DIAPH2: variants seen among roughly 807,000 people sequenced by gnomAD.
DIAPH2 encodes the protein protein diaphanous homolog 2.
In DIAPH2, 35 loss-of-function variants were observed where a neutral mutation model predicts 92.7. The ratio of observed to expected loss-of-function variants is 0.38; its 90% CI spans 0.29 to 0.50. The LOEUF (loss-of-function observed/expected upper bound fraction) is 0.50. Among genes scored for constraint, DIAPH2 ranks in the 20% least tolerant of loss-of-function variants. The pLI is 0.94. For missense variants in DIAPH2, 701 were observed against 819.5 expected, an observed-to-expected ratio of 0.86 and a Z score of 1.77; for synonymous variants, 301 against 280.4, an observed-to-expected ratio of 1.07 and a Z score of -0.73.
intron 23 of DIAPH2, among the ~76,000 whole-genome samples, chrX:97,321,544 A>ATTTTTTTTTTT (rs72265655): frequency 4.1e-5 from 2 of 48,413 alleles, no homozygotes; most frequent in Non-Finnish European, 7.3e-5. Context: ...TTGTGTTGTT[A>ATTTTTTTTTTT]TTTTTTTTTT....
chrX:97,320,090 ACT>A (rs1162040763), intron 23 of DIAPH2, among the ~76,000 whole-genome samples: 3 of 102,947 alleles, frequency 2.9e-5, no homozygotes, highest in Non-Finnish European at 5.9e-5. Context: ...ACAGAGTGAG[ACT>A]CTGTCTCAAA....
Position 97,146,007 on chromosome X carries a change from C to CTTTTTTTTTTTTTTTT in DIAPH2, c.2719+4224_2719+4239dup, listed in dbSNP as rs372292277. Among the ~76,000 whole-genome samples, 2 of 43,169 alleles carry CTTTTTTTTTTTTTTTT rather than the reference C, an allele frequency of 4.6e-5. 1 individual carries two copies. The highest frequency in any genetic ancestry group is 1.6e-4 in the African/African-American group (2 of 12,444). 37.5% of individuals were successfully genotyped at this position (43,169 alleles called of 115,157 possible). On this transcript the variant is annotated intron_variant, in intron 22 of 26. Transcript: ENST00000324765. ...AGAATCTATTTCCTTTTTCTTCTTC[C>CTTTTTTTTTTTTTTTT]TTTTTTTTTTTTTTTTTTTTTTTTT...
chrX:97,046,118 A>G (rs2066482316), intron 17 of DIAPH2, among the ~76,000 whole-genome samples: 1 of 107,026 alleles, frequency 9.3e-6, no homozygotes, highest in African/African-American at 3.4e-5. Flanking sequence ...CGGCCTCCCA[A>G]AGTATTGGGA....
intron 23 of DIAPH2, among the ~76,000 whole-genome samples, chrX:97,301,451 A>T (rs781176307): frequency 9.0e-6 from 1 of 111,702 alleles, no homozygotes; most frequent in African/African-American, 3.3e-5. Context: ...GGCTTGTAGC[A>T]AGGTGCTGAG....
chrX:97,042,310 A>AT (rs1222145407), intron 17 of DIAPH2, among the ~76,000 whole-genome samples: 81 of 111,902 alleles, frequency 7.2e-4, no homozygotes, highest in African/African-American at 2.5e-3. Flanking sequence ...AAATTTTCAT[A>AT]TTAAATGTAG....
At chrX:97,497,120 A>T (rs1260476387) in intron 26 of DIAPH2, among the ~76,000 whole-genome samples, 3 of 110,672 alleles carry the variant, frequency 2.7e-5, no homozygotes, top group Non-Finnish European at 5.7e-5. Context: ...AGGAAGTCTG[A>T]GTTTGATTAG....
chrX:97,261,964 G>C (rs1427390110), intron 23 of DIAPH2, among the ~76,000 whole-genome samples: 1 of 109,128 alleles, frequency 9.2e-6, no homozygotes, highest in Non-Finnish European at 1.9e-5. Flanking sequence ...TTATAATATT[G>C]TGACATCATT....
intron 26 of DIAPH2, among the ~76,000 whole-genome samples, chrX:97,570,131 T>TATATTAGATAGATAGA (rs1556243118): frequency 4.1e-5 from 2 of 48,698 alleles, no homozygotes; most frequent in African/African-American, 1.3e-4. Flanking sequence ...TATTAGAAGA[T>TATATTAGATAGATAGA]AGATAGATAG....
chrX:96,934,579 G>A (rs1035194226), intron 10 of DIAPH2, among the ~76,000 whole-genome samples: 3 of 111,214 alleles, frequency 2.7e-5, no homozygotes, highest in Non-Finnish European at 3.8e-5. Flanking sequence ...TCAAGACAAC[G>A]AATTTTTAAA....
chrX:97,032,623 G>A (rs1314775460), intron 17 of DIAPH2, among the ~76,000 whole-genome samples: 1 of 109,408 alleles, frequency 9.1e-6, no homozygotes, highest in African/African-American at 3.3e-5. Context: ...CCTCATTCTT[G>A]TCTCTTTTTA....
intron 26 of DIAPH2, among the ~76,000 whole-genome samples, chrX:97,549,798 T>G (rs754953943): frequency 2.7e-5 from 3 of 111,649 alleles, no homozygotes; most frequent in Non-Finnish European, 5.6e-5. Flanking sequence ...CTGAATCTAA[T>G]CATGAGGAAA....
chrX:97,504,135 A>G (rs1022958611), intron 26 of DIAPH2, among the ~76,000 whole-genome samples: 2 of 112,151 alleles, frequency 1.8e-5, no homozygotes, highest in Admixed American at 9.5e-5. Flanking sequence ...AATATTCAAA[A>G]TCTTGGAAAT....
rs760802911 is a variant in DIAPH2 at position 97,099,688 on chromosome X, T to G, written c.2248-6T>G. The stretch of plus-strand genomic sequence containing the variant: ...ACTAAACTTTTATACTTTTATTTCT[T>G]TTTAGAACCTTGTGAAACATCTTCC... On this transcript the variant is annotated splice_polypyrimidine_tract_variant and splice_region_variant and intron_variant, in intron 19 of 26. Transcript: ENST00000324765. 2.6e-6 allele frequency: 3 copies of G among 1,143,461 alleles called. No individual in the cohort carries two copies. Among genetic ancestry groups the G allele is most frequent in the Non-Finnish European group, 3.5e-6 (3 of 858,596 alleles). The allele number at this position is 1,143,461 out of a possible 1,213,427, so 94.2% of individuals were successfully genotyped here.
intron 22 of DIAPH2, among the ~76,000 whole-genome samples, chrX:97,236,144 C>T (rs975081632): frequency 3.6e-5 from 4 of 111,704 alleles, no homozygotes; most frequent in Non-Finnish European, 7.5e-5. Flanking sequence ...TCTCAACAAC[C>T]TGCATTCAGT....
chrX:97,585,253 CTTTT>C (rs5903087), intron 26 of DIAPH2, among the ~76,000 whole-genome samples: 1 of 92,198 alleles, frequency 1.1e-5, no homozygotes, highest in Non-Finnish European at 2.1e-5. Flanking sequence ...GCTCCACTGA[CTTTT>C]TTTTTTTTTT....
Position 97,258,364 on chromosome X carries a change from A to C in DIAPH2, c.2844+10525A>C, listed in dbSNP as rs1378583476. On this transcript the variant is annotated intron_variant, in intron 23 of 26. Coordinates refer to ENST00000324765, the MANE Select transcript of DIAPH2 (RefSeq NM_006729.5). ...CAAGGTGGGTGGATCACCTGAGGTC[A>C]GGTGTTCGAGACCAGCCTGGACAAC... Among the ~76,000 whole-genome samples the C allele has an allele frequency of 4.5e-5, 5 of 110,374 alleles. No homozygotes were observed. In the Admixed American group the frequency reaches 4.8e-4, roughly 11 times the overall value.
chrX:97,507,141 C>CAA (rs397896097), intron 26 of DIAPH2, among the ~76,000 whole-genome samples: 734 of 30,569 alleles, frequency 0.024, 2 homozygotes, highest in Non-Finnish European at 0.029. Context: ...ACAAAACCGA[C>CAA]AAAAAAAAAA....
At chrX:96,981,794 C>T (rs1274566338) in intron 17 of DIAPH2, among the ~76,000 whole-genome samples, 1 of 110,558 alleles carries the variant, frequency 9.0e-6, no homozygotes, top group Non-Finnish European at 1.9e-5. Context: ...TTAAACACTA[C>T]TGGATCACTC....
intron 4 of DIAPH2, among the ~76,000 whole-genome samples, chrX:96,767,782 A>C (rs2064313339): frequency 8.9e-6 from 1 of 111,937 alleles, no homozygotes; most frequent in African/African-American, 3.2e-5. Flanking sequence ...GCTATTTGTT[A>C]TGTGGTGTGG....
Sources: allele counts gnomAD v4.1 joint callset (sites outside exome capture counted in the v4.1 genomes callset), GRCh38; gene constraint gnomAD v4.1.1; transcripts MANE v1.5; gene names NCBI Gene and HGNC (gene_info 2026-07-23, HGNC 2026-07-21).